Variants in NLGN1 observed in about 807,000 individuals in gnomAD.
The protein encoded by NLGN1 is neuroligin 1.
A neutral mutation model predicts 65.5 loss-of-function variants in NLGN1; 12 were observed. That is an observed-to-expected ratio of 0.18 (90% CI 0.12 to 0.30). NLGN1 has a LOEUF of 0.30. Ranked by LOEUF, NLGN1 falls within the 10% of genes least tolerant of loss-of-function variation. The probability of loss-of-function intolerance (pLI) is 1.00; values close to 1 mark genes in which losing one functional copy is unlikely to be tolerated. For missense variants in NLGN1, 750 were observed against 1,007.1 expected (o/e 0.74, Z 3.46); for synonymous variants, 350 against 359.5 (o/e 0.97, Z 0.30).
intron 2 of NLGN1, among the ~76,000 whole-genome samples, chr3:173,593,246 AGGGT>A (rs1748846877): frequency 2.0e-5 from 3 of 152,180 alleles, no homozygotes; most frequent in Non-Finnish European, 2.9e-5. Context: ...TTTTGATTCA[AGGGT>A]ACATGTGCAG....
intron 4 of NLGN1, among the ~76,000 whole-genome samples, chr3:174,040,493 G>A (rs985740265): frequency 6.6e-6 from 1 of 152,120 alleles, no homozygotes; most frequent in Non-Finnish European, 1.5e-5. Flanking sequence ...GACCAAATTT[G>A]TGTAGGGCAC....
chr3:173,606,321 A>G (rs1023586201), intron 3 of NLGN1, among the ~76,000 whole-genome samples: 1 of 152,096 alleles, frequency 6.6e-6, no homozygotes, highest in East Asian at 1.9e-4. Context: ...GCAAATGTAG[A>G]CACTGACAGC....
chr3:173,852,355 C>CAAAAAAAAAAAAAAAAAA (rs71162367), intron 4 of NLGN1, among the ~76,000 whole-genome samples: 1 of 46,650 alleles, frequency 2.1e-5, no homozygotes, highest in African/African-American at 8.3e-5. Context: ...GACTCCGTCT[C>CAAAAAAAAAAAAAAAAAA]AAAAAAAAAA....
chr3:173,803,116 C>T (rs907897765), intron 3 of NLGN1, among the ~76,000 whole-genome samples: 1 of 152,114 alleles, frequency 6.6e-6, no homozygotes, highest in Admixed American at 6.5e-5. Flanking sequence ...GCTGGGGTTA[C>T]AGGCGTGAGC....
At chr3:174,028,142 A>G (rs1428356374) in intron 4 of NLGN1, among the ~76,000 whole-genome samples, 1 of 152,174 alleles carries the variant, frequency 6.6e-6, no homozygotes, top group Non-Finnish European at 1.5e-5. Context: ...CCTTAAAAAG[A>G]GTACAGACTA....
chr3:173,999,914 T>G (rs983276165), intron 4 of NLGN1, among the ~76,000 whole-genome samples: 1 of 151,720 alleles, frequency 6.6e-6, no homozygotes, highest in African/African-American at 2.4e-5. Flanking sequence ...CGTTAAACAA[T>G]GTAGTAACTG....
intron 4 of NLGN1, among the ~76,000 whole-genome samples, chr3:173,950,926 G>T (rs1748084970): frequency 6.6e-6 from 1 of 152,082 alleles, no homozygotes; most frequent in Non-Finnish European, 1.5e-5. Context: ...GAGTGCAGTG[G>T]CGTGATCTTG....
At chr3:173,621,706 A>T (rs1754019294) in intron 3 of NLGN1, among the ~76,000 whole-genome samples, 1 of 152,090 alleles carries the variant, frequency 6.6e-6, no homozygotes, top group Admixed American at 6.6e-5. Context: ...AAATTAGTAG[A>T]ATTGGAAAGT....
intron 3 of NLGN1, among the ~76,000 whole-genome samples, chr3:173,658,412 A>T (rs761891163): frequency 6.6e-6 from 1 of 152,038 alleles, no homozygotes; most frequent in Non-Finnish European, 1.5e-5. Flanking sequence ...TGTGCTTCAG[A>T]GTAGAATCCA....
intron 4 of NLGN1, among the ~76,000 whole-genome samples, chr3:174,011,785 A>G (rs1031589089): frequency 1.3e-5 from 2 of 152,200 alleles, no homozygotes; most frequent in African/African-American, 4.8e-5. Flanking sequence ...ATAGAAATTC[A>G]TATTGTTCCA....
intron 2 of NLGN1, among the ~76,000 whole-genome samples, chr3:173,507,826 A>C (rs1403301168): frequency 3.3e-5 from 5 of 152,142 alleles, no homozygotes; most frequent in Admixed American, 6.6e-5. Flanking sequence ...GGTATTAGGG[A>C]AGACATTGGC....
At chr3:174,075,468 T>C (rs544291147) in intron 4 of NLGN1, among the ~76,000 whole-genome samples, 40 of 152,102 alleles carry the variant, frequency 2.6e-4, no homozygotes, top group Non-Finnish European at 5.3e-4. Context: ...TCCTTTAAAG[T>C]AAATGCCAGA....
chr3:173,875,016 G>T (rs76973595), intron 4 of NLGN1, among the ~76,000 whole-genome samples: 327 of 152,244 alleles, frequency 2.1e-3, no homozygotes, highest in African/African-American at 7.7e-3. Context: ...ACCTCAGAAA[G>T]TCTTTAGGCT....
At chr3:173,817,329 G>T in intron 4 of NLGN1, among the ~76,000 whole-genome samples, 1 of 152,186 alleles carries the variant, frequency 6.6e-6, no homozygotes, top group East Asian at 1.9e-4. Flanking sequence ...GCAGGTAAGT[G>T]ACATGATTAG....
intron 3 of NLGN1, among the ~76,000 whole-genome samples, chr3:173,725,256 AT>A: frequency 6.6e-6 from 1 of 152,320 alleles, no homozygotes; most frequent in East Asian, 1.9e-4. Flanking sequence ...AAAAATATGT[AT>A]TATTTAATGT....
intron 4 of NLGN1, among the ~76,000 whole-genome samples, chr3:174,201,412 A>G (rs1327113626): frequency 6.6e-6 from 1 of 151,884 alleles, no homozygotes; most frequent in African/African-American, 2.4e-5. Context: ...AAAGAAAGAA[A>G]AAAGAAATTG....
chr3:174,169,992 C>T (rs1396488288), intron 4 of NLGN1, among the ~76,000 whole-genome samples: 1 of 152,100 alleles, frequency 6.6e-6, no homozygotes, highest in Non-Finnish European at 1.5e-5. Context: ...ACAAAGGGAG[C>T]TTCTCTGTCT....
At position 173,888,027 on chromosome 3, in the gene NLGN1, A is replaced by G. The variant is rs1390162032; in HGVS notation, c.646+80195A>G. Among the ~76,000 whole-genome samples, 4 of 152,182 alleles carry G rather than the reference A, an allele frequency of 2.6e-5. No homozygotes were observed. The East Asian group carries it at 7.7e-4, about 29-fold the overall frequency. ...AAATAAGCAGATATTTAGCACCAAT[A>G]GGAAATGCCTGTAGTGACAGTGAAA... On this transcript the variant is annotated intron_variant, in intron 4 of 6. Transcript: ENST00000457714.
intron 3 of NLGN1, among the ~76,000 whole-genome samples, chr3:173,628,285 C>G (rs1252699424): frequency 6.6e-6 from 1 of 152,124 alleles, no homozygotes; most frequent in Non-Finnish European, 1.5e-5. Flanking sequence ...GCTCACTTAG[C>G]TACTGGGTGG....
Sources: allele counts gnomAD v4.1 joint callset (sites outside exome capture counted in the v4.1 genomes callset), GRCh38; gene constraint gnomAD v4.1.1; transcripts MANE v1.5; gene names NCBI Gene and HGNC (gene_info 2026-07-23, HGNC 2026-07-21).